CSRNP2: variants seen among roughly 807,000 people sequenced by gnomAD.
CSRNP2 encodes the protein cysteine and serine rich nuclear protein 2, also known as cysteine/serine-rich nuclear protein 2.
Under a neutral mutation model 36.6 loss-of-function variants are expected in CSRNP2, and 11 were observed. The observed-to-expected ratio is 0.30, with a 90% CI of 0.19 to 0.50. The LOEUF (loss-of-function observed/expected upper bound fraction) is 0.50. CSRNP2 is among the 20% of genes least tolerant of loss of function. The pLI is 0.98. For missense variants in CSRNP2, 483 were observed against 691.4 expected (o/e 0.70, Z 3.38); for synonymous variants, 248 against 275.3 (o/e 0.90, Z 0.98).
In CSRNP2 at chr12:51,079,971, G is replaced by A. The variant is rs1285156182; in HGVS notation, c.-86-3324C>T. Among the ~76,000 whole-genome samples, 5 of 149,728 alleles carry A rather than the reference G, an allele frequency of 3.3e-5. No homozygotes were observed. The East Asian group carries it at 9.7e-4, about 29-fold the overall frequency. Reference sequence around the variant, plus strand: ...GCCTGTAATCTCAGCTACTCAGGAGGCTGAGGCAGGAGAATCGCTTGAACC... The same window carrying A: ...GCCTGTAATCTCAGCTACTCAGGAGACTGAGGCAGGAGAATCGCTTGAACC... On this transcript the variant is annotated intron_variant, in intron 1 of 4. Transcript: ENST00000228515.
In CSRNP2 at chr12:51,064,437, TG is replaced by T; in HGVS notation, c.940del (p.Gln314ArgfsTer11). ...TGTCTCATTCTCAGCAATGAACTCC[TG>T]GAAGTCCTGGGTCTCAGAGCCCTGT... ...GAQGSETQDF[Q>X]EFIAENETAV... On this transcript the variant is annotated frameshift_variant, in exon 5 of 5. Transcript: ENST00000228515. LOFTEE classifies it high-confidence loss of function. 6.2e-7 allele frequency: 1 copy of T among 1,611,360 alleles called. No individual in the cohort carries two copies. The highest frequency in any genetic ancestry group is 8.5e-7 in the Non-Finnish European group (1 of 1,178,228).
intron 3 of CSRNP2, among the ~76,000 whole-genome samples, chr12:51,072,506 T>G (rs571534173): frequency 3.0e-5 from 4 of 133,258 alleles, no homozygotes; most frequent in African/African-American, 1.2e-4. Context: ...GAGCTTGCAG[T>G]GAGCCGAGAT....
At chr12:51,076,765 A>C in intron 1 of CSRNP2, 118 bp from the exon 2 acceptor site, 1 of 564,786 alleles carries the variant, frequency 1.8e-6, no homozygotes, top group Non-Finnish European at 3.1e-6. Context: ...CTTTCTCAAT[A>C]TTACGTTCTT....
At chr12:51,082,242 A>C (rs1474924534) in intron 1 of CSRNP2, among the ~76,000 whole-genome samples, 1 of 152,172 alleles carries the variant, frequency 6.6e-6, no homozygotes, top group Non-Finnish European at 1.5e-5. Context: ...CAAAGCACCC[A>C]AGTGAAAACC....
intron 1 of CSRNP2, 87 bp from the exon 2 acceptor site, chr12:51,076,734 CT>C: frequency 1.6e-6 from 1 of 644,100 alleles, no homozygotes; most frequent in Non-Finnish European, 2.7e-6. Context: ...AAGAAAGCAC[CT>C]CACCTAGCAC....
intron 2 of CSRNP2, 51 bp from the exon 3 acceptor site, chr12:51,074,133 T>G (rs751898592): frequency 6.4e-6 from 10 of 1,555,246 alleles, no homozygotes; most frequent in South Asian, 1.2e-5. Context: ...ATTTATTTAT[T>G]TAGAGATGGA....
chr12:51,065,273 CTAGTT>C (rs1938045538), intron 4 of CSRNP2, among the ~76,000 whole-genome samples: 1 of 152,168 alleles, frequency 6.6e-6, no homozygotes, highest in African/African-American at 2.4e-5. Flanking sequence ...TGAGGGTTGA[CTAGTT>C]TAGTTCTGAA....
chr12:51,064,221 G>A lies in CSRNP2; in HGVS notation c.1157C>T (p.Pro386Leu), dbSNP rs765468015. The change falls in exon 5 of 5, where the codon CCC becomes CTC. Residue 386 changes from proline (P) to leucine (L), a missense_variant. By Grantham distance (98) the Pro-to-Leu change is moderately conservative (BLOSUM62 -3). This residue lies in a region of CSRNP2 where 277 missense variants were observed against 323.6 expected (regional missense o/e 0.86). Coordinates refer to ENST00000228515, the MANE Select transcript of CSRNP2 (RefSeq NM_030809.3). ...TAPILIQAQLPPGSSVLCFTE... is the reference protein window; with the variant it reads ...TAPILIQAQLLPGSSVLCFTE... ...AAAACACAGGACAGAGGAGCCTGGG[G>A]GCAGCTGAGCCTGGATGAGAATGGG... 1.2e-6 allele frequency: 2 copies of A among 1,613,882 alleles called. No homozygotes were observed. The highest frequency in any genetic ancestry group is 1.1e-5 in the South Asian group (1 of 91,072).
At chr12:51,071,734 A>T (rs1416339476) in intron 3 of CSRNP2, among the ~76,000 whole-genome samples, 1 of 152,238 alleles carries the variant, frequency 6.6e-6, no homozygotes, top group Admixed American at 6.5e-5. Flanking sequence ...GAGAACACAG[A>T]ACAGGATGGT....
intron 3 of CSRNP2, among the ~76,000 whole-genome samples, chr12:51,073,047 C>A (rs1939249949): frequency 6.6e-6 from 1 of 152,036 alleles, no homozygotes; most frequent in South Asian, 2.1e-4. Flanking sequence ...GTTGCAAGAT[C>A]CCACTACTAT....
At chr12:51,080,229 T>C (rs1318332445) in intron 1 of CSRNP2, among the ~76,000 whole-genome samples, 3 of 151,990 alleles carry the variant, frequency 2.0e-5, no homozygotes, top group Non-Finnish European at 1.5e-5. Context: ...TGGAAGTAAC[T>C]GTCCACTCCT....
chr12:51,064,760 A>C, intron 4 of CSRNP2, 91 bp from the exon 5 acceptor site: 1 of 1,165,184 alleles, frequency 8.6e-7, no homozygotes. Flanking sequence ...GGCAGTTGGG[A>C]TTTGAGGTCT....
chr12:51,066,411 C>T (rs530572552), intron 4 of CSRNP2, among the ~76,000 whole-genome samples: 180 of 149,700 alleles, frequency 1.2e-3, no homozygotes, highest in African/African-American at 3.9e-3. Context: ...CGAGATCACG[C>T]GCTACGGCAC....
intron 3 of CSRNP2, among the ~76,000 whole-genome samples, chr12:51,071,557 G>A (rs1424444815): frequency 6.6e-6 from 1 of 152,078 alleles, no homozygotes; most frequent in Non-Finnish European, 1.5e-5. Context: ...TTGAGCCCAG[G>A]AGTTTGAGAC....
intron 1 of CSRNP2, among the ~76,000 whole-genome samples, chr12:51,078,718 A>T (rs1324203072): frequency 6.6e-6 from 1 of 152,216 alleles, no homozygotes; most frequent in Non-Finnish European, 1.5e-5. Context: ...GAAGTCAGGA[A>T]ACAACAGGTG....
intron 3 of CSRNP2, among the ~76,000 whole-genome samples, chr12:51,070,507 C>T (rs541302682): frequency 1.3e-5 from 2 of 152,188 alleles, no homozygotes; most frequent in African/African-American, 4.8e-5. Flanking sequence ...CACGAGGACA[C>T]TCATATAGAT....
rs1937868305 is a variant in CSRNP2 at position 51,064,211 on chromosome 12, G to A, written c.1167C>T (p.Ser389=). The A allele has an allele frequency of 6.2e-7, 1 of 1,613,852 alleles. No individual in the cohort carries two copies. Among genetic ancestry groups the A allele is most frequent in the Admixed American group, 1.7e-5 (1 of 59,954 alleles). Residue 389 remains serine (S), a synonymous_variant, in exon 5 of 5, where the codon TCC becomes TCT. Transcript: ENST00000228515. ...ILIQAQLPPG[S]SVLCFTENSD... ...AGTTCTCGGTAAAACACAGGACAGA[G>A]GAGCCTGGGGGCAGCTGAGCCTGGA...
intron 2 of CSRNP2, among the ~76,000 whole-genome samples, chr12:51,074,788 C>T (rs1052452553): frequency 2.6e-5 from 4 of 152,102 alleles, no homozygotes; most frequent in Middle Eastern, 3.4e-3. Context: ...CAGCTCAGGC[C>T]GGGCATGGTG....
chr12:51,067,688 A>T lies in CSRNP2; in HGVS notation c.693T>A (p.Ala231=). The T allele has an allele frequency of 6.2e-7, 1 of 1,613,712 alleles. No homozygotes were observed. ...TTGGACTGACCTGGCATTTAATCCC[A>T]GCCTGGCTGCAGGCACACGCTTCTG... The part of the protein sequence containing the change: ...CDPEACACSQ[A]GIKCQVDRMS... The change falls in exon 4 of 5, where the codon GCT becomes GCA. Residue 231 remains alanine, a synonymous_variant. Coordinates refer to ENST00000228515, the MANE Select transcript of CSRNP2 (RefSeq NM_030809.3). This position sits in a 1 kb window ranked among gnomAD's most constrained non-coding sequence, Gnocchi z 4.1.
Sources: gnomAD v4.1 joint callset for allele counts (sites outside exome capture counted in the v4.1 genomes callset) on GRCh38, gnomAD v4.1.1 for gene constraint, gnomAD v4.1.1 regional missense constraint, Gnocchi (gnomAD v3.1) non-coding constraint, MANE v1.5 for transcripts, NCBI Gene and HGNC (gene_info 2026-07-23, HGNC 2026-07-21) for gene names.